The following CKAP5 variants were observed in gnomAD, a reference collection of about 807,000 sequenced individuals.
CKAP5 encodes the protein cytoskeleton-associated protein 5.
A neutral mutation model predicts 232.8 loss-of-function variants in CKAP5; 27 were observed. The ratio of observed to expected loss-of-function variants is 0.12; its 90% CI spans 0.09 to 0.16. The LOEUF is 0.16. Ranked by LOEUF, CKAP5 falls within the 10% of genes least tolerant of loss-of-function variation. The pLI is 1.00. For synonymous variants in CKAP5, 785 were observed against 841.1 expected (o/e 0.93, Z 1.16); for missense variants, 1,838 against 2,424.7 (o/e 0.76, Z 5.08).
Position 46,776,360 on chromosome 11 carries a change from T to G in CKAP5, c.2886A>C (p.Leu962=), listed in dbSNP as rs1038601213. The change falls in exon 24 of 44, where the codon CTA becomes CTC. Residue 962 remains leucine, a synonymous_variant. Coordinates refer to ENST00000529230, the MANE Select transcript of CKAP5 (RefSeq NM_001008938.4). ...DSKNNVRAAA[L]ATVNAWAEQT... ...GTTCTGCCCAAGCATTCACAGTCGCTAGGGCAGCAGCTCGAACATTGTTCT... is the reference window on the plus strand; with the variant it reads ...GTTCTGCCCAAGCATTCACAGTCGCGAGGGCAGCAGCTCGAACATTGTTCT... 6.2e-7 allele frequency: 1 copy of G among 1,613,030 alleles called. No individual in the cohort carries two copies. The highest frequency in any genetic ancestry group is 1.1e-5 in the South Asian group (1 of 90,954).
chr11:46,749,864 T>C (rs1212187756), intron 42 of CKAP5, among the ~76,000 whole-genome samples: 5 of 146,628 alleles, frequency 3.4e-5, no homozygotes, highest in Admixed American at 2.8e-4. Context: ...GGCAGGAGAA[T>C]AGCTTGAACC....
In CKAP5 at chr11:46,797,816, C is replaced by A; in HGVS notation, c.1327G>T (p.Ala443Ser). The change falls in exon 11 of 44, where the codon GCA becomes TCA. Residue 443 changes from alanine to serine, a missense_variant. By Grantham distance (99) the Ala-to-Ser change is moderately conservative. Transcript: ENST00000529230. ...AAGAGAGTCTGTACCTTAAGTAGTG[C>A]AGCACAAAAGGGCTTTAGCAAGCTC... ...PKSLLKPFCA[A>S]LLKHINDSAP... The A allele has an allele frequency of 6.2e-7, 1 of 1,609,548 alleles. No individual in the cohort carries two copies. The highest frequency in any genetic ancestry group is 1.1e-5 in the South Asian group (1 of 90,006).
In CKAP5 at chr11:46,753,428, T is replaced by C; in HGVS notation, c.4939A>G (p.Ile1647Val). The C allele has an allele frequency of 6.2e-7, 1 of 1,614,070 alleles. No homozygotes were observed. The highest frequency in any genetic ancestry group is 8.5e-7 in the Non-Finnish European group (1 of 1,179,974). Residue 1647 changes from isoleucine (I) to valine (V), a missense_variant, in exon 37 of 44, where the codon ATC (isoleucine) becomes GTC (valine). Around this residue, in one of 6 missense-constraint regions of CKAP5, gnomAD observed 579 missense variants for 843.2 expected, o/e 0.69. Transcript: ENST00000529230. Reference protein sequence around the residue: ...GVLKDLMHGLITLMLDSRIED... With the variant: ...GVLKDLMHGLVTLMLDSRIED... ...ATCCGAGAATCCAGCATTAAGGTGATGAGGCCATGCATTAGGTCTTTTAGT... is the reference window on the plus strand; with the variant it reads ...ATCCGAGAATCCAGCATTAAGGTGACGAGGCCATGCATTAGGTCTTTTAGT...
chr11:46,834,911 TCCTC>T (rs1266186492), intron 1 of CKAP5, among the ~76,000 whole-genome samples: 1 of 151,410 alleles, frequency 6.6e-6, no homozygotes, highest in Non-Finnish European at 1.5e-5. Context: ...GCCCAAGTAA[TCCTC>T]CCACCTCTGC....
rs372008156 is a variant in CKAP5 at position 46,821,264 on chromosome 11, A to T, written c.-33T>A. 1.3e-6 allele frequency: 2 copies of T among 1,553,392 alleles called. No homozygotes were observed. Among genetic ancestry groups the T allele is most frequent in the African/African-American group, 2.7e-5 (2 of 73,560 alleles). On this transcript the variant is annotated 5_prime_UTR_variant, in exon 2 of 44. Transcript: ENST00000529230. ...CCAGGTTTTCCTTAGAATTAAGAGT[A>T]TTTCCTGGTCAGATAAAGGTAGAAA...
At chr11:46,830,973 G>C (rs958665238) in intron 1 of CKAP5, among the ~76,000 whole-genome samples, 1 of 152,140 alleles carries the variant, frequency 6.6e-6, no homozygotes, top group South Asian at 2.1e-4. Flanking sequence ...GCTGAGGCAG[G>C]AGAATGGCGT....
At chr11:46,765,385 A>C in intron 27 of CKAP5, 129 bp from the exon 28 acceptor site, 1 of 803,916 alleles carries the variant, frequency 1.2e-6, no homozygotes, top group African/African-American at 1.8e-5. Context: ...ACATGAAAAA[A>C]ACATGCATCA....
chr11:46,759,541 T>TC, intron 33 of CKAP5, 99 bp from the exon 34 acceptor site: 1 of 1,235,734 alleles, frequency 8.1e-7, no homozygotes, highest in South Asian at 1.6e-5. Flanking sequence ...GGACAGATGT[T>TC]CAACTTCTGG....
chr11:46,793,132 C>T (rs1040883599), intron 13 of CKAP5, among the ~76,000 whole-genome samples: 1 of 152,106 alleles, frequency 6.6e-6, no homozygotes, highest in Non-Finnish European at 1.5e-5. Flanking sequence ...ACAATCAAAT[C>T]AACAATAAAA....
chr11:46,770,928 G>A lies in CKAP5; in HGVS notation c.3046C>T (p.Leu1016Phe), dbSNP rs367607182. ...LPTLRSTPTD[L>F]ILCVPHLYSC... Reference sequence around the variant, plus strand: ...TAGAGATGAGGAACACAAAGGATAAGGTCTGTAGGGGTGGAACGAAGAGTA... The same window carrying A: ...TAGAGATGAGGAACACAAAGGATAAAGTCTGTAGGGGTGGAACGAAGAGTA... The change falls in exon 25 of 44, where the codon CTT becomes TTT. Residue 1016 changes from leucine to phenylalanine, a missense_variant. Leu to Phe is a conservative substitution (Grantham distance 22). Coordinates refer to ENST00000529230, the MANE Select transcript of CKAP5 (RefSeq NM_001008938.4). The A allele has an allele frequency of 7.8e-4, 1,251 of 1,614,090 alleles. 14 individuals are homozygous for A. The South Asian group carries it at 0.013, about 17-fold the overall frequency.
At chr11:46,827,514 C>G (rs1287137487) in intron 1 of CKAP5, among the ~76,000 whole-genome samples, 1 of 152,132 alleles carries the variant, frequency 6.6e-6, no homozygotes, top group Non-Finnish European at 1.5e-5. Flanking sequence ...CTAGTCCCAG[C>G]TACTCCGGAG....
chr11:46,761,864 A>G, intron 32 of CKAP5, 136 bp downstream of exon 32: 1 of 634,448 alleles, frequency 1.6e-6, no homozygotes. Flanking sequence ...TCTGGATTCT[A>G]GGACACATTG....
At chr11:46,825,907 A>G (rs1592485292) in intron 1 of CKAP5, among the ~76,000 whole-genome samples, 1 of 152,298 alleles carries the variant, frequency 6.6e-6, no homozygotes, top group East Asian at 1.9e-4. Context: ...TATTTAACCA[A>G]AATCTGACAA....
At chr11:46,843,318 A>G (rs927633805) in intron 1 of CKAP5, among the ~76,000 whole-genome samples, 2 of 152,154 alleles carry the variant, frequency 1.3e-5, no homozygotes, top group Non-Finnish European at 2.9e-5. Context: ...CCTTCTGTAT[A>G]TAAGTAGGTA....
chr11:46,761,679 G>A (rs2065156097), intron 32 of CKAP5, among the ~76,000 whole-genome samples: 1 of 152,222 alleles, frequency 6.6e-6, no homozygotes, highest in Admixed American at 6.5e-5. Context: ...AAAACTCGAT[G>A]CAGTAAAAAT....
chr11:46,776,321 C>T lies in CKAP5; in HGVS notation c.2925G>A (p.Lys975=). 7 of 1,613,992 alleles carry T rather than the reference C, an allele frequency of 4.3e-6. No individual in the cohort carries two copies. Among genetic ancestry groups the T allele is most frequent in the Non-Finnish European group, 5.1e-6 (6 of 1,179,918 alleles). The change falls in exon 24 of 44, where the codon AAG becomes AAA. Residue 975 remains lysine (K), a synonymous_variant. Coordinates refer to ENST00000529230, the MANE Select transcript of CKAP5 (RefSeq NM_001008938.4). The stretch of plus-strand genomic sequence containing the variant: ...AAAGATCTTCTCCTTCCAGCCATTC[C>T]TTCATGCCAGTCTGTTCTGCCCAAG... The part of the protein sequence containing the change: ...VNAWAEQTGM[K]EWLEGEDLSE...
At chr11:46,754,134 A>G (rs2065092361) in intron 36 of CKAP5, among the ~76,000 whole-genome samples, 1 of 151,794 alleles carries the variant, frequency 6.6e-6, no homozygotes. Context: ...AGTAGCTGGG[A>G]TTACAGGCGC....
At chr11:46,816,452 TG>T in intron 3 of CKAP5, 48 bp from the exon 4 acceptor site, 1 of 1,498,092 alleles carries the variant, frequency 6.7e-7, no homozygotes, top group Non-Finnish European at 9.3e-7. Flanking sequence ...TAGTAAGAAT[TG>T]GAAAAAGGTC....
At chr11:46,801,327 A>T in intron 8 of CKAP5, 23 bp from the exon 9 acceptor site, 1 of 1,548,176 alleles carries the variant, frequency 6.5e-7, no homozygotes, top group Non-Finnish European at 8.9e-7. Context: ...GTAAAAAGGA[A>T]AACAAAATAG....
Sources: gnomAD v4.1 joint callset for allele counts (sites outside exome capture counted in the v4.1 genomes callset) on GRCh38, gnomAD v4.1.1 for gene constraint, gnomAD v4.1.1 regional missense constraint, MANE v1.5 for transcripts, NCBI Gene and HGNC (gene_info 2026-07-23, HGNC 2026-07-21) for gene names.